Variants in SMURF2 observed in about 807,000 individuals in gnomAD.
SMURF2 encodes the protein E3 ubiquitin-protein ligase SMURF2.
SMURF2 carries 48 observed loss-of-function variants against 109.6 expected under a neutral mutation model. The ratio of observed to expected loss-of-function variants is 0.44; its 90% CI spans 0.35 to 0.56. The LOEUF is 0.56. SMURF2 is among the 20% of genes least tolerant of loss of function. The pLI is 0.01. For missense variants in SMURF2, 575 were observed against 909.0 expected (o/e 0.63, Z 4.72); for synonymous variants, 288 against 317.1 (o/e 0.91, Z 0.97).
At chr17:64,637,867 A>G (rs1319858162) in intron 1 of SMURF2, among the ~76,000 whole-genome samples, 3 of 148,752 alleles carry the variant, frequency 2.0e-5, no homozygotes, top group Admixed American at 6.7e-5. Flanking sequence ...CCCGGTCCCA[A>G]TGCCATTTTT....
chr17:64,557,252 G>A (rs1285223918), intron 13 of SMURF2, among the ~76,000 whole-genome samples: 1 of 152,124 alleles, frequency 6.6e-6, no homozygotes, highest in Non-Finnish European at 1.5e-5. Context: ...AACTTGCCCT[G>A]AAAGGTCACA....
intron 13 of SMURF2, among the ~76,000 whole-genome samples, chr17:64,557,030 T>C (rs1193199787): frequency 1.3e-5 from 2 of 152,200 alleles, no homozygotes; most frequent in African/African-American, 4.8e-5. Flanking sequence ...TAGTATGCCC[T>C]TATATGGAAA....
intron 1 of SMURF2, among the ~76,000 whole-genome samples, chr17:64,615,403 T>C (rs1465514207): frequency 2.0e-5 from 3 of 152,216 alleles, no homozygotes; most frequent in South Asian, 2.1e-4. Context: ...TATGTTATCA[T>C]TGTAAAATAA....
chr17:64,567,359 A>AT (rs372957732), intron 10 of SMURF2, among the ~76,000 whole-genome samples: 226 of 152,130 alleles, frequency 1.5e-3, no homozygotes, highest in African/African-American at 5.4e-3. Flanking sequence ...AACTAGTCAA[A>AT]TGTTCTTCAA....
At chr17:64,583,628 T>A in intron 6 of SMURF2, 84 bp from the exon 7 acceptor site, 2 of 990,238 alleles carry the variant, frequency 2.0e-6, no homozygotes, top group Non-Finnish European at 3.2e-6. Context: ...CATCTGCTGT[T>A]ACAAATCGGG....
intron 4 of SMURF2, 110 bp from the exon 5 acceptor site, chr17:64,591,259 A>ATTT: frequency 1.3e-6 from 1 of 766,860 alleles, no homozygotes; most frequent in Admixed American, 2.6e-5. Flanking sequence ...CAAACCTATC[A>ATTT]TTTAAAGAGT....
At chr17:64,606,669 G>A in intron 1 of SMURF2, 29 bp from the exon 2 acceptor site, 1 of 1,448,224 alleles carries the variant, frequency 6.9e-7, no homozygotes, top group South Asian at 1.3e-5. Context: ...AAAAATACAT[G>A]GGAAAAATTA....
At chr17:64,603,583 GAAAA>G (rs75365686) in intron 2 of SMURF2, among the ~76,000 whole-genome samples, 5 of 120,338 alleles carry the variant, frequency 4.2e-5, no homozygotes, top group African/African-American at 1.2e-4. Context: ...TCCGTCGGGG[GAAAA>G]AAAAAAAAAA....
At chr17:64,623,652 G>A (rs1355914334) in intron 1 of SMURF2, among the ~76,000 whole-genome samples, 3 of 152,138 alleles carry the variant, frequency 2.0e-5, no homozygotes, top group Non-Finnish European at 4.4e-5. Context: ...CTATAATGGC[G>A]TATTGCCATT....
intron 1 of SMURF2, among the ~76,000 whole-genome samples, chr17:64,607,918 C>T (rs1021363316): frequency 1.3e-5 from 2 of 151,204 alleles, no homozygotes; most frequent in East Asian, 3.9e-4. Context: ...CTGCAATGAG[C>T]CAAGATTGCA....
intron 10 of SMURF2, among the ~76,000 whole-genome samples, chr17:64,570,080 C>T (rs550750464): frequency 1.4e-4 from 22 of 152,100 alleles, no homozygotes; most frequent in Non-Finnish European, 3.1e-4. Context: ...ATACATATTT[C>T]GAAGAAGGAA....
At chr17:64,561,798 ACCAG>A (rs1172468935) in intron 11 of SMURF2, among the ~76,000 whole-genome samples, 195 bp from the exon 12 acceptor site, 2 of 151,450 alleles carry the variant, frequency 1.3e-5, no homozygotes, top group Non-Finnish European at 2.9e-5. Context: ...GGAATTCTAG[ACCAG>A]CCTGGGCAAC....
Position 64,661,956 on chromosome 17 carries a change from G to T in SMURF2, c.-76C>A. On this transcript the variant is annotated 5_prime_UTR_variant, in exon 1 of 19. Coordinates refer to ENST00000262435, the MANE Select transcript of SMURF2 (RefSeq NM_022739.4). Reference sequence around the variant, plus strand: ...CGAGGCGCGGCGGAGTCACCACAGCGGCCGGGGCTGGGGCCCGAGCAGCCG... The same window carrying T: ...CGAGGCGCGGCGGAGTCACCACAGCTGCCGGGGCTGGGGCCCGAGCAGCCG... 1 of 1,133,062 alleles carries T rather than the reference G, an allele frequency of 8.8e-7. No individual in the cohort carries two copies. Among genetic ancestry groups the T allele is most frequent in the Non-Finnish European group, 1.1e-6 (1 of 925,204 alleles). The allele number at this position is 1,133,062 out of a possible 1,614,324, so 70.2% of individuals were successfully genotyped here.
At chr17:64,551,366 AAAAG>A (rs1555683579) in intron 16 of SMURF2, among the ~76,000 whole-genome samples, 2 of 152,076 alleles carry the variant, frequency 1.3e-5, no homozygotes, top group South Asian at 2.1e-4. Context: ...CAGAAAAAAA[AAAAG>A]AGAGAGAGAG....
In SMURF2 at chr17:64,658,129, C is replaced by T. The variant is rs549565999; in HGVS notation, c.52+3700G>A. ...CAGCACACTGGAAGGCTAAGGCGGG[C>T]GGATCACCTGAGGTCCAGAGTTTGA... On this transcript the variant is annotated intron_variant, in intron 1 of 18. Coordinates refer to ENST00000262435, the MANE Select transcript of SMURF2 (RefSeq NM_022739.4). Among the ~76,000 whole-genome samples the T allele has an allele frequency of 2.0e-3, 306 of 152,054 alleles. 1 individual carries two copies. The highest frequency in any genetic ancestry group is 7.0e-3 in the African/African-American group (290 of 41,474).
rs548474265 is a variant in SMURF2, at chr17:64,634,177, A to G, written c.53-27537T>C. On this transcript the variant is annotated intron_variant, in intron 1 of 18. Coordinates refer to ENST00000262435, the MANE Select transcript of SMURF2 (RefSeq NM_022739.4). ...AACAAAAAACAAAAACAAAAAGAGAATAACTGGCTGCTAGCATTCTTGGAG... is the reference window on the plus strand; with the variant it reads ...AACAAAAAACAAAAACAAAAAGAGAGTAACTGGCTGCTAGCATTCTTGGAG... Among the ~76,000 whole-genome samples the G allele has an allele frequency of 9.8e-5, 15 of 152,286 alleles. No homozygotes were observed. In the South Asian group the frequency reaches 2.9e-3, roughly 29 times the overall value.
intron 1 of SMURF2, among the ~76,000 whole-genome samples, chr17:64,659,561 A>G (rs1055072): frequency 1.3e-5 from 2 of 149,630 alleles, no homozygotes; most frequent in East Asian, 1.9e-4. Flanking sequence ...CCTAGGTTAA[A>G]TATTTTATTT....
At chr17:64,601,854 A>G (rs1397102483) in intron 2 of SMURF2, among the ~76,000 whole-genome samples, 1 of 149,536 alleles carries the variant, frequency 6.7e-6, no homozygotes, top group Non-Finnish European at 1.5e-5. Flanking sequence ...GTGTGTGTAT[A>G]TGTGTGTGTG....
chr17:64,597,791 T>C (rs1260428531), intron 3 of SMURF2, among the ~76,000 whole-genome samples: 1 of 149,992 alleles, frequency 6.7e-6, no homozygotes, highest in Non-Finnish European at 1.5e-5. Flanking sequence ...AAAAATTACC[T>C]AAAACTAAAA....
Sources: gnomAD v4.1 joint callset for allele counts (sites outside exome capture counted in the v4.1 genomes callset) on GRCh38, gnomAD v4.1.1 for gene constraint, MANE v1.5 for transcripts, NCBI Gene and HGNC (gene_info 2026-07-23, HGNC 2026-07-21) for gene names.